PRICKLE3: variants seen among roughly 807,000 people sequenced by gnomAD.
PRICKLE3 encodes the protein LIM domain only protein 6.
In PRICKLE3, 17 loss-of-function variants were observed where a neutral mutation model predicts 33.8. The observed-to-expected ratio is 0.50, with a 90% CI of 0.34 to 0.75. The LOEUF (loss-of-function observed/expected upper bound fraction) is 0.75, where lower values mean the gene tolerates loss of function less well. Among genes scored for constraint, PRICKLE3 ranks in the 30% least tolerant of loss-of-function variants. PRICKLE3 has a pLI of 0.01. For synonymous variants in PRICKLE3, 211 were observed against 219.6 expected, an observed-to-expected ratio of 0.96 and a Z score of 0.34; for missense variants, 573 against 576.7, an observed-to-expected ratio of 0.99 and a Z score of 0.07.
intron 8 of PRICKLE3, among the ~76,000 whole-genome samples, chrX:49,176,515 G>A (rs2065418544): frequency 9.2e-6 from 1 of 108,846 alleles, no homozygotes; most frequent in African/African-American, 3.4e-5. Context: ...CAGGGCACCC[G>A]GGGTGGCTTC....
At position 49,178,071 on chromosome X, in the gene PRICKLE3, G is replaced by T. The variant is rs781815124; in HGVS notation, c.877C>A (p.Arg293Ser). The T allele has an allele frequency of 8.5e-7, 1 of 1,171,234 alleles. No individual in the cohort carries two copies. Among genetic ancestry groups the T allele is most frequent in the East Asian group, 3.0e-5 (1 of 33,388 alleles). The change falls in exon 7 of 9, where the codon CGT becomes AGT. Residue 293 changes from arginine to serine, a missense_variant. Arg to Ser is a moderately radical substitution (Grantham distance 110). Transcript: ENST00000599218. Reference protein sequence around the residue: ...ASLGGQRYVMRQSRPHCCACY... With the variant: ...ASLGGQRYVMSQSRPHCCACY... The stretch of plus-strand genomic sequence containing the variant: ...GCGCAGCAGTGGGGGCGGCTCTGAC[G>T]CATGACATAGCGCTGCCCTCCTAGT...
intron 1 of PRICKLE3, chrX:49,184,914 T>A (rs2065475983): frequency 9.1e-7 from 1 of 1,098,952 alleles, no homozygotes; most frequent in South Asian, 2.2e-5. Flanking sequence ...TGGAGCCACC[T>A]CCTTATATGT....
In PRICKLE3 at chrX:49,175,735, G is replaced by C; in HGVS notation, c.1786C>G (p.Pro596Ala). The change falls in exon 9 of 9, where the codon CCC becomes GCC. Residue 596 changes from proline (P) to alanine (A), a missense_variant. Transcript: ENST00000599218. The part of the protein sequence containing the change: ...ETFNSPSLSL[P>A]RDSRAGMPRQ... ...GGCATCCCTGCGCGAGAGTCCCTGG[G>C]GAGCGATAAAGATGGGGAGTTGAAG... is the stretch of plus-strand genomic sequence containing the variant. The C allele has an allele frequency of 8.3e-7, 1 of 1,211,953 alleles. No homozygotes were observed. The highest frequency in any genetic ancestry group is 1.1e-6 in the Non-Finnish European group (1 of 895,506).
In PRICKLE3 at chrX:49,179,818, T is replaced by C; in HGVS notation, c.313-12A>G. 2 of 983,421 alleles carry C rather than the reference T, an allele frequency of 2.0e-6. No homozygotes were observed. The highest frequency in any genetic ancestry group is 2.4e-5 in the South Asian group (1 of 41,946). The allele number at this position is 983,421 out of a possible 1,213,427, so 81.0% of individuals were successfully genotyped here. A position where few individuals can be genotyped will look rare whatever the true frequency, so the allele number is the denominator to read the frequency against. On this transcript the variant is annotated splice_polypyrimidine_tract_variant and intron_variant, in intron 3 of 8. Coordinates refer to ENST00000599218, the MANE Select transcript of PRICKLE3 (RefSeq NM_006150.5). Reference sequence around the variant, plus strand: ...AAAAATTGATATACCTGGGAGGACATAGGAGTGGGAGAAAACAACTGAAAT... The same window carrying C: ...AAAAATTGATATACCTGGGAGGACACAGGAGTGGGAGAAAACAACTGAAAT...
chrX:49,183,973 G>A, intron 2 of PRICKLE3, 56 bp from the exon 3 acceptor site: 2 of 1,156,436 alleles, frequency 1.7e-6, no homozygotes, highest in African/African-American at 1.8e-5. Flanking sequence ...CGAACCCCTC[G>A]GCAGCCCAGG....
chrX:49,184,359 C>T (rs1347755133), intron 2 of PRICKLE3, among the ~76,000 whole-genome samples: 2 of 109,932 alleles, frequency 1.8e-5, no homozygotes, highest in African/African-American at 6.6e-5. Context: ...GAGTTAGAGA[C>T]GAAGAATCTC....
intron 1 of PRICKLE3, among the ~76,000 whole-genome samples, chrX:49,185,531 C>T (rs1159300350): frequency 9.0e-6 from 1 of 111,510 alleles, no homozygotes; most frequent in Non-Finnish European, 1.9e-5. Context: ...TCTTGACTCT[C>T]AGCATTTCGG....
rs1224511902 is a variant in PRICKLE3, at chrX:49,176,399, G to T, written c.1256-134C>A. On this transcript the variant is annotated intron_variant, in intron 8 of 8. Coordinates refer to ENST00000599218, the MANE Select transcript of PRICKLE3 (RefSeq NM_006150.5). The stretch of plus-strand genomic sequence containing the variant: ...GGGGGCAGGGGTCGGAGAATGGCAG[G>T]GAGGTGGGAAGTCTGGGAAGTGTGA... The T allele has an allele frequency of 2.1e-5, 10 of 485,550 alleles. No individual in the cohort carries two copies. The East Asian group carries it at 3.1e-4, about 15-fold the overall frequency. The allele number at this position is 485,550 out of a possible 1,213,427, so 40.0% of individuals were successfully genotyped here. A position where few individuals can be genotyped will look rare whatever the true frequency, so the allele number is the denominator to read the frequency against.
rs1450227706 is a variant in PRICKLE3 at position 49,175,768 on chromosome X, T to C, written c.1753A>G (p.Met585Val). The change falls in exon 9 of 9, where the codon ATG (methionine) becomes GTG (valine). Residue 585 changes from methionine (M) to valine (V), a missense_variant. Coordinates refer to ENST00000599218, the MANE Select transcript of PRICKLE3 (RefSeq NM_006150.5). ...AAAGATGGGGAGTTGAAGGTCTCCA[T>C]TGCAGTGTCCTGAGCAGGCATGGGC... ...CRPMPAQDTA[M>V]ETFNSPSLSL... 1 of 1,211,667 alleles carries C rather than the reference T, an allele frequency of 8.3e-7. No individual in the cohort carries two copies. The highest frequency in any genetic ancestry group is 2.2e-5 in the Admixed American group (1 of 46,084).
chrX:49,176,853 A>G, intron 8 of PRICKLE3, 50 bp downstream of exon 8: 1 of 1,133,791 alleles, frequency 8.8e-7, no homozygotes, highest in Non-Finnish European at 1.2e-6. Context: ...AGGGGCAAGG[A>G]CATAGGGGTG....
intron 5 of PRICKLE3, 145 bp downstream of exon 5, chrX:49,179,106 C>T (rs2065434897): frequency 3.8e-6 from 3 of 792,741 alleles, no homozygotes; most frequent in Non-Finnish European, 5.3e-6. Flanking sequence ...GAGGAACAGA[C>T]CCCGCCCACA....
rs782379931 is a variant in PRICKLE3, at chrX:49,176,122, C to T, written c.1399G>A (p.Gly467Ser). 29 of 1,204,682 alleles carry T rather than the reference C, an allele frequency of 2.4e-5. No individual in the cohort carries two copies. The highest frequency in any genetic ancestry group is 3.1e-5 in the Non-Finnish European group (28 of 893,543). Reference protein sequence around the residue: ...PNLRPDDSAFGRQSTPRVSFR... With the variant: ...PNLRPDDSAFSRQSTPRVSFR... ...CTGACGCGTGGGGTGCTCTGACGAC[C>T]GAAGGCACTATCATCTGGGCGCAGG... The change falls in exon 9 of 9, where the codon GGT (glycine) becomes AGT (serine). Residue 467 changes from glycine to serine, a missense_variant. By Grantham distance (56) the Gly-to-Ser change is moderately conservative. Coordinates refer to ENST00000599218, the MANE Select transcript of PRICKLE3 (RefSeq NM_006150.5).
At chrX:49,182,741 T>C (rs1557101337) in intron 3 of PRICKLE3, among the ~76,000 whole-genome samples, 2 of 111,866 alleles carry the variant, frequency 1.8e-5, no homozygotes, top group Admixed American at 9.5e-5. Flanking sequence ...TTTAATTCCA[T>C]AGCCCTTACA....
rs937351372 is a variant in PRICKLE3 at position 49,183,878 on chromosome X, A to C, written c.168T>G (p.His56Gln). The change falls in exon 3 of 9, where the codon CAT becomes CAG. Residue 56 changes from histidine to glutamine, a missense_variant. By Grantham distance (24) the His-to-Gln change is conservative. Transcript: ENST00000599218. ...CQHCKCPREE[H>Q]AVHAVPVDLE... Reference sequence around the variant, plus strand: ...GGTCCACAGGCACCGCGTGCACTGCATGCTCCTCCCGCGGGCATTTGCAAT... The same window carrying C: ...GGTCCACAGGCACCGCGTGCACTGCCTGCTCCTCCCGCGGGCATTTGCAAT... 1 of 1,207,679 alleles carries C rather than the reference A, an allele frequency of 8.3e-7. No individual in the cohort carries two copies. Among genetic ancestry groups the C allele is most frequent in the South Asian group, 1.8e-5 (1 of 56,741 alleles).
At position 49,176,179 on chromosome X, in the gene PRICKLE3, C is replaced by T. The variant is rs1207609116; in HGVS notation, c.1342G>A (p.Glu448Lys). Residue 448 changes from glutamate to lysine, a missense_variant, in exon 9 of 9, where the codon GAG becomes AAG. Transcript: ENST00000599218. ...TGGCCGGGGGACTCTGGGGGCGGCTCGGGGACACTGCGGAGCCCCAGTTCC... is the reference window on the plus strand; with the variant it reads ...TGGCCGGGGGACTCTGGGGGCGGCTTGGGGACACTGCGGAGCCCCAGTTCC... ...MPELGLRSVP[E>K]PPPESPGQPN... 5.9e-6 allele frequency: 7 copies of T among 1,184,167 alleles called. No homozygotes were observed. The highest frequency in any genetic ancestry group is 3.0e-5 in the East Asian group (1 of 33,418).
intron 1 of PRICKLE3, among the ~76,000 whole-genome samples, chrX:49,185,093 C>T (rs1235767145): frequency 9.0e-6 from 1 of 111,491 alleles, no homozygotes; most frequent in Non-Finnish European, 1.9e-5. Flanking sequence ...CTCTGGGCAT[C>T]CTCTCCCCGG....
At chrX:49,176,860 G>A in intron 8 of PRICKLE3, 43 bp downstream of exon 8, 1 of 1,148,352 alleles carries the variant, frequency 8.7e-7, no homozygotes, top group Non-Finnish European at 1.2e-6. Flanking sequence ...AGGACATAGG[G>A]GTGACTGGGC....
intron 3 of PRICKLE3, 78 bp from the exon 4 acceptor site, chrX:49,179,884 T>C (rs1451871366): frequency 3.7e-6 from 2 of 547,096 alleles, no homozygotes; most frequent in African/African-American, 4.8e-5. Context: ...GGGTCCCCAT[T>C]TCTCAGAAAA....
rs782350537 is a variant in PRICKLE3, at chrX:49,175,197, T to C, written c.*476A>G. On this transcript the variant is annotated 3_prime_UTR_variant, in exon 9 of 9. Coordinates refer to ENST00000599218, the MANE Select transcript of PRICKLE3 (RefSeq NM_006150.5). ...GGCAAGGAGGCAAAGAAGCCAGGCC[T>C]GTTTTACAACAAATATTAAATTACT... 5.4e-4 allele frequency: 96 copies of C among 177,588 alleles called. No individual in the cohort carries two copies. The highest frequency in any genetic ancestry group is 2.4e-3 in the South Asian group (20 of 8,178). The allele number at this position is 177,588 out of a possible 1,213,427, so 14.6% of individuals were successfully genotyped here.
Sources: allele counts gnomAD v4.1 joint callset (sites outside exome capture counted in the v4.1 genomes callset), GRCh38; gene constraint gnomAD v4.1.1; transcripts MANE v1.5; gene names NCBI Gene and HGNC (gene_info 2026-07-23, HGNC 2026-07-21).